SNX29: variants seen among roughly 807,000 people sequenced by gnomAD.
SNX29 encodes the protein sorting nexin 29.
Under a neutral mutation model 102.1 loss-of-function variants are expected in SNX29, and 78 were observed. That is an observed-to-expected ratio of 0.76 (90% CI 0.64 to 0.92). The LOEUF (loss-of-function observed/expected upper bound fraction) is 0.92. Among genes scored for constraint, SNX29 ranks in the 40% least tolerant of loss-of-function variants. The pLI, the probability that SNX29 is intolerant of heterozygous loss-of-function variation, is 0.00. For synonymous variants in SNX29, 580 were observed against 414.5 expected (o/e 1.40, Z -4.85); for missense variants, 1,280 against 1,061.7 (o/e 1.21, Z -2.86).
intron 14 of SNX29, among the ~76,000 whole-genome samples, chr16:12,219,931 T>TACACACACGTGC (rs748834436): frequency 2.6e-4 from 39 of 152,292 alleles, no homozygotes; most frequent in Non-Finnish European, 4.1e-4. Context: ...CACACACGTG[T>TACACACACGTGC]ACACACACGT....
chr16:12,464,971 G>A (rs2086985968), intron 18 of SNX29, among the ~76,000 whole-genome samples: 2 of 152,146 alleles, frequency 1.3e-5, no homozygotes, highest in Non-Finnish European at 2.9e-5. Flanking sequence ...ATCTCATTGT[G>A]GTTCCGATTT....
intron 13 of SNX29, among the ~76,000 whole-genome samples, chr16:12,190,211 T>TAG (rs1291215498): frequency 2.6e-5 from 4 of 151,994 alleles, no homozygotes; most frequent in South Asian, 2.1e-4. Flanking sequence ...TGCTGGAGGG[T>TAG]AGAGGCTTTG....
chr16:12,422,119 A>G (rs1376095502), intron 18 of SNX29, among the ~76,000 whole-genome samples: 1 of 152,212 alleles, frequency 6.6e-6, no homozygotes, highest in Admixed American at 6.5e-5. Flanking sequence ...AGGGAAACTC[A>G]TTTAAGAAAG....
At chr16:12,291,437 G>C (rs529109825) in intron 15 of SNX29, among the ~76,000 whole-genome samples, 2 of 152,294 alleles carry the variant, frequency 1.3e-5, no homozygotes, top group African/African-American at 2.4e-5. Flanking sequence ...CCATCATTCA[G>C]TTACCTCCCA....
At chr16:12,462,322 A>C (rs2086842380) in intron 18 of SNX29, among the ~76,000 whole-genome samples, 1 of 152,030 alleles carries the variant, frequency 6.6e-6, no homozygotes, top group Non-Finnish European at 1.5e-5. Flanking sequence ...TGCCTTTTCA[A>C]GTACCTCTAC....
intron 19 of SNX29, among the ~76,000 whole-genome samples, chr16:12,510,825 C>A (rs544123157): frequency 2.0e-5 from 3 of 152,208 alleles, no homozygotes; most frequent in Admixed American, 6.5e-5. Context: ...CCACAGCTTT[C>A]CTGCCATGGG....
At chr16:12,332,152 C>T (rs2081308524) in intron 15 of SNX29, among the ~76,000 whole-genome samples, 1 of 152,126 alleles carries the variant, frequency 6.6e-6, no homozygotes, top group Non-Finnish European at 1.5e-5. Flanking sequence ...TTACTATTAT[C>T]CTCATCCTAG....
chr16:12,515,755 G>A (rs1049556915), intron 19 of SNX29, among the ~76,000 whole-genome samples: 1 of 152,050 alleles, frequency 6.6e-6, no homozygotes. Flanking sequence ...TTGCCAATAC[G>A]TTCCTTCAAG....
intron 16 of SNX29, among the ~76,000 whole-genome samples, chr16:12,377,140 A>C (rs1384358482): frequency 6.6e-6 from 1 of 152,130 alleles, no homozygotes; most frequent in Non-Finnish European, 1.5e-5. Context: ...TGCTGCAGTA[A>C]CTATGTGGTT....
chr16:12,453,721 C>G (rs777724387), intron 18 of SNX29, among the ~76,000 whole-genome samples: 1 of 152,152 alleles, frequency 6.6e-6, no homozygotes, highest in Non-Finnish European at 1.5e-5. Context: ...ATAAAAGTTA[C>G]CCTTCAAAGA....
chr16:12,463,851 TGTGA>T lies in SNX29; in HGVS notation c.2038-13866_2038-13863del, dbSNP rs199712876. Among the ~76,000 whole-genome samples, 936 of 137,992 alleles carry T rather than the reference TGTGA, an allele frequency of 6.8e-3. 12 individuals carry two copies. Among genetic ancestry groups the T allele is most frequent in the East Asian group, 0.039 (177 of 4,558 alleles). The allele number at this position is 137,992 out of a possible 152,430, so 90.5% of individuals were successfully genotyped here. A position where few individuals can be genotyped will look rare whatever the true frequency, so the allele number is the denominator to read the frequency against. ...GTGTGTGTGTGTGTGTGTGTGTGTG[TGTGA>T]GAGATGACACTTAAAGTTGGCTTTC... On this transcript the variant is annotated intron_variant, in intron 18 of 20. Transcript: ENST00000566228.
chr16:12,134,142 A>G (rs2054572849), intron 13 of SNX29, among the ~76,000 whole-genome samples: 1 of 152,166 alleles, frequency 6.6e-6, no homozygotes, highest in Admixed American at 6.5e-5. Flanking sequence ...TATGAGACAT[A>G]TGTTAAAAAA....
chr16:12,557,933 T>G (rs181095957), intron 20 of SNX29, among the ~76,000 whole-genome samples: 50 of 152,288 alleles, frequency 3.3e-4, no homozygotes, highest in African/African-American at 1.2e-3. Flanking sequence ...CAGGCTGCTA[T>G]TTTCATTCAC....
At position 12,414,976 on chromosome 16, in the gene SNX29, G is replaced by A. The variant is rs567904869; in HGVS notation, c.2037+11447G>A. Among the ~76,000 whole-genome samples the A allele has an allele frequency of 1.2e-4, 18 of 152,302 alleles. No homozygotes were observed. The East Asian group carries it at 3.1e-3, about 26-fold the overall frequency. Reference sequence around the variant, plus strand: ...AACCTCAAATGATCCACCTGCCTCAGCCTCCCAAAGTGCTGGAATTACAGG... The same window carrying A: ...AACCTCAAATGATCCACCTGCCTCAACCTCCCAAAGTGCTGGAATTACAGG... On this transcript the variant is annotated intron_variant, in intron 18 of 20. Transcript: ENST00000566228.
Position 12,111,592 on chromosome 16 carries a change from C to T in SNX29, c.1403-15041C>T, listed in dbSNP as rs1197492418. Among the ~76,000 whole-genome samples the T allele has an allele frequency of 2.0e-5, 3 of 152,328 alleles. No individual in the cohort carries two copies. The East Asian group carries it at 5.8e-4, about 29-fold the overall frequency. On this transcript the variant is annotated intron_variant, in intron 11 of 20. Coordinates refer to ENST00000566228, the MANE Select transcript of SNX29 (RefSeq NM_032167.5). ...AAGGAAAGCAAGTGCCTGCTTCCAG[C>T]CTCCAAGATGGCAGGCAGCAAGGAG... is the stretch of plus-strand genomic sequence containing the variant.
At chr16:12,153,435 C>G (rs1052492098) in intron 13 of SNX29, among the ~76,000 whole-genome samples, 4 of 150,868 alleles carry the variant, frequency 2.7e-5, no homozygotes, top group African/African-American at 9.8e-5. Context: ...TTTTCTTTCT[C>G]TCACGCTCCC....
chr16:12,246,378 C>G (rs965537377), intron 14 of SNX29, among the ~76,000 whole-genome samples: 5 of 152,030 alleles, frequency 3.3e-5, no homozygotes, highest in African/African-American at 1.2e-4. Flanking sequence ...TGGTGGCTCA[C>G]GCTTGTAATC....
chr16:12,118,225 C>CT (rs1490268878), intron 11 of SNX29, among the ~76,000 whole-genome samples: 2 of 150,172 alleles, frequency 1.3e-5, no homozygotes, highest in African/African-American at 4.9e-5. Flanking sequence ...CAACTTTGTG[C>CT]TTTTAATTCT....
intron 3 of SNX29, among the ~76,000 whole-genome samples, chr16:12,017,534 A>T (rs1423386445): frequency 6.6e-6 from 1 of 152,196 alleles, no homozygotes; most frequent in Non-Finnish European, 1.5e-5. Flanking sequence ...TTTGCCATGT[A>T]GACATTTACA....
Sources: gnomAD v4.1 joint callset for allele counts (sites outside exome capture counted in the v4.1 genomes callset) on GRCh38, gnomAD v4.1.1 for gene constraint, MANE v1.5 for transcripts, NCBI Gene and HGNC (gene_info 2026-07-23, HGNC 2026-07-21) for gene names.